The following CDH9 variants were observed in gnomAD, a reference collection of about 807,000 sequenced individuals.
The protein encoded by CDH9 is cadherin 9.
Under a neutral mutation model 70.9 loss-of-function variants are expected in CDH9, and 28 were observed. The ratio of observed to expected loss-of-function variants is 0.40; its 90% CI spans 0.29 to 0.54. The LOEUF (loss-of-function observed/expected upper bound fraction) is 0.54, where lower values mean the gene tolerates loss of function less well. Among genes scored for constraint, CDH9 ranks in the 20% least tolerant of loss-of-function variants. The pLI, the probability that CDH9 is intolerant of heterozygous loss-of-function variation, is 0.59. For synonymous variants in CDH9, 409 were observed against 343.1 expected (o/e 1.19, Z -2.12); for missense variants, 874 against 984.4 (o/e 0.89, Z 1.50).
chr5:26,922,784 T>C (rs1741267395), intron 2 of CDH9, among the ~76,000 whole-genome samples: 1 of 151,882 alleles, frequency 6.6e-6, no homozygotes, highest in African/African-American at 2.4e-5. Flanking sequence ...TAAAAATAAC[T>C]ACAACTTTTT....
At chr5:26,968,285 T>A (rs1354283433) in intron 2 of CDH9, among the ~76,000 whole-genome samples, 1 of 130,568 alleles carries the variant, frequency 7.7e-6, no homozygotes, top group East Asian at 2.1e-4. Flanking sequence ...TCTGAGGTAT[T>A]TTTATTTTTA....
At chr5:26,912,341 A>T (rs1315686023) in intron 3 of CDH9, among the ~76,000 whole-genome samples, 1 of 151,912 alleles carries the variant, frequency 6.6e-6, no homozygotes, top group Non-Finnish European at 1.5e-5. Context: ...GGAGTAAAGA[A>T]AATCACACCT....
intron 2 of CDH9, among the ~76,000 whole-genome samples, chr5:26,937,334 C>A (rs1741576751): frequency 6.6e-6 from 1 of 152,110 alleles, no homozygotes; most frequent in African/African-American, 2.4e-5. Flanking sequence ...ACACTCCTAT[C>A]AGAATGCATA....
At chr5:26,973,008 C>T (rs1246571897) in intron 2 of CDH9, among the ~76,000 whole-genome samples, 3 of 152,028 alleles carry the variant, frequency 2.0e-5, no homozygotes, top group African/African-American at 4.8e-5. Flanking sequence ...CGACTACAAG[C>T]GTGTGCTACC....
In CDH9 at chr5:26,988,185, C is replaced by T. The variant is rs1175298742; in HGVS notation, c.149G>A (p.Arg50His). The stretch of plus-strand genomic sequence containing the variant: ...ATTCCACATCCAGCCACGCTTGGTG[C>T]GACGTAGCATTTTACCGTCATCTTT... ...LTKDDGKMLR[R>H]TKRGWMWNQF... Residue 50 changes from arginine to histidine, a missense_variant, in exon 2 of 12, where the codon CGC becomes CAC. Coordinates refer to ENST00000231021, the MANE Select transcript of CDH9 (RefSeq NM_016279.4). The T allele has an allele frequency of 7.4e-6, 12 of 1,613,374 alleles. No homozygotes were observed. Among genetic ancestry groups the T allele is most frequent in the Non-Finnish European group, 1.0e-5 (12 of 1,179,588 alleles).
intron 2 of CDH9, among the ~76,000 whole-genome samples, chr5:26,978,349 TA>T (rs1742339755): frequency 6.6e-6 from 1 of 151,656 alleles, no homozygotes; most frequent in Non-Finnish European, 1.5e-5. Flanking sequence ...TTCTAACAGA[TA>T]ATAAAGGAAA....
In CDH9 at chr5:26,981,318, C is replaced by A. The variant is rs977040366; in HGVS notation, c.228+6788G>T. Among the ~76,000 whole-genome samples, 33 of 152,178 alleles carry A rather than the reference C, an allele frequency of 2.2e-4. 1 individual carries two copies. The highest frequency in any genetic ancestry group is 2.0e-3 in the Admixed American group (31 of 15,264). The stretch of plus-strand genomic sequence containing the variant: ...GAATTTACATTTAACCGATGCACAT[C>A]ATTCTGTTTACTTAAAATCATTTCT... On this transcript the variant is annotated intron_variant, in intron 2 of 11. Coordinates refer to ENST00000231021, the MANE Select transcript of CDH9 (RefSeq NM_016279.4).
chr5:26,996,633 TATTA>T (rs1742669870), intron 1 of CDH9, among the ~76,000 whole-genome samples: 1 of 151,888 alleles, frequency 6.6e-6, no homozygotes, highest in South Asian at 2.1e-4. Flanking sequence ...TATTTTTTCT[TATTA>T]ATTAATAGTG....
intron 2 of CDH9, among the ~76,000 whole-genome samples, chr5:26,928,837 T>C (rs897999831): frequency 6.6e-6 from 1 of 151,972 alleles, no homozygotes; most frequent in Non-Finnish European, 1.5e-5. Flanking sequence ...ATACAAAAAT[T>C]AAATCAAAAT....
chr5:26,950,269 C>A (rs980358968), intron 2 of CDH9, among the ~76,000 whole-genome samples: 4 of 152,158 alleles, frequency 2.6e-5, no homozygotes, highest in Admixed American at 2.6e-4. Flanking sequence ...TTTCATAATT[C>A]ACAGAATGAT....
At chr5:26,964,220 C>T (rs1399817669) in intron 2 of CDH9, among the ~76,000 whole-genome samples, 1 of 152,024 alleles carries the variant, frequency 6.6e-6, no homozygotes, top group African/African-American at 2.4e-5. Context: ...CACATACACA[C>T]ACAAGCACAC....
intron 2 of CDH9, among the ~76,000 whole-genome samples, chr5:26,957,137 A>C (rs2112055464): frequency 6.6e-6 from 1 of 150,988 alleles, no homozygotes; most frequent in East Asian, 2.0e-4. Context: ...ATTTTTATGT[A>C]TTTTCCTGCA....
chr5:26,993,756 G>A (rs1469540281), intron 1 of CDH9, among the ~76,000 whole-genome samples: 1 of 142,692 alleles, frequency 7.0e-6, no homozygotes, highest in Non-Finnish European at 1.5e-5. Context: ...AGAATGACTC[G>A]AAAGATAATT....
In CDH9 at chr5:26,985,119, A is replaced by G. The variant is rs536084094; in HGVS notation, c.228+2987T>C. On this transcript the variant is annotated intron_variant, in intron 2 of 11. Transcript: ENST00000231021. ...TTCATGCTGTATGCAAAAACAACCA[A>G]TCCTAGAATTCTGGACCTTTCACAG... Among the ~76,000 whole-genome samples the G allele has an allele frequency of 5.9e-5, 9 of 152,158 alleles. No individual in the cohort carries two copies. In the South Asian group the frequency reaches 1.5e-3, roughly 25 times the overall value.
At position 26,988,260 on chromosome 5, in the gene CDH9, T is replaced by G. The variant is rs1258167972; in HGVS notation, c.74A>C (p.Gln25Pro). The stretch of plus-strand genomic sequence containing the variant: ...TGATAAATAACTGTTAGGTTTTTCT[T>G]GTAATAGGATGGTGTCAACTGTATG... ...MFHTVDTILL[Q>P]EKPNSYLSSK... Residue 25 changes from glutamine (Q) to proline (P), a missense_variant, in exon 2 of 12, where the codon CAA (glutamine) becomes CCA (proline). Gln to Pro is a moderately conservative substitution (Grantham distance 76, BLOSUM62 -1). Coordinates refer to ENST00000231021, the MANE Select transcript of CDH9 (RefSeq NM_016279.4). 1 of 1,613,442 alleles carries G rather than the reference T, an allele frequency of 6.2e-7. No homozygotes were observed. The highest frequency in any genetic ancestry group is 2.2e-5 in the East Asian group (1 of 44,816).
chr5:26,935,273 G>A (rs967268288), intron 2 of CDH9, among the ~76,000 whole-genome samples: 3 of 152,112 alleles, frequency 2.0e-5, no homozygotes, highest in African/African-American at 7.2e-5. Flanking sequence ...AATTTGTACA[G>A]CCAATATACT....
intron 2 of CDH9, among the ~76,000 whole-genome samples, chr5:26,980,250 G>A (rs947915319): frequency 2.0e-5 from 3 of 151,838 alleles, no homozygotes; most frequent in Middle Eastern, 3.5e-3. Context: ...AGAAAAAAAG[G>A]CATCTTCTTA....
chr5:26,950,724 T>C (rs1446172893), intron 2 of CDH9, among the ~76,000 whole-genome samples: 1 of 152,106 alleles, frequency 6.6e-6, no homozygotes, highest in Non-Finnish European at 1.5e-5. Context: ...ATAAAGATAA[T>C]TACACTGATA....
intron 2 of CDH9, among the ~76,000 whole-genome samples, chr5:26,916,588 T>C (rs1225045528): frequency 1.3e-5 from 2 of 151,992 alleles, no homozygotes; most frequent in Non-Finnish European, 2.9e-5. Context: ...TATAACCATA[T>C]ACCGTAACAA....
Sources: allele counts gnomAD v4.1 joint callset (sites outside exome capture counted in the v4.1 genomes callset), GRCh38; gene constraint gnomAD v4.1.1; transcripts MANE v1.5; gene names NCBI Gene and HGNC (gene_info 2026-07-23, HGNC 2026-07-21).